PAX7: variants seen among roughly 807,000 people sequenced by gnomAD.
PAX7 encodes paired box 7, also known as paired box protein Pax-7.
A neutral mutation model predicts 50.7 loss-of-function variants in PAX7; 18 were observed. The ratio of observed to expected loss-of-function variants is 0.36; its 90% CI spans 0.25 to 0.53. The LOEUF is 0.53. Among genes scored for constraint, PAX7 ranks in the 20% least tolerant of loss-of-function variants. The pLI is 0.93. For synonymous variants in PAX7, 310 were observed against 290.4 expected, an observed-to-expected ratio of 1.07 and a Z score of -0.69; for missense variants, 644 against 702.9, an observed-to-expected ratio of 0.92 and a Z score of 0.95.
chr1:18,676,059 C>T (rs1192800264), intron 4 of PAX7, among the ~76,000 whole-genome samples: 1 of 152,210 alleles, frequency 6.6e-6, no homozygotes, highest in African/African-American at 2.4e-5. Context: ...AGCCACCTCG[C>T]CCAGCTTCAC....
intron 4 of PAX7, among the ~76,000 whole-genome samples, chr1:18,648,936 C>T (rs568020015): frequency 6.6e-6 from 1 of 152,148 alleles, no homozygotes; most frequent in East Asian, 1.9e-4. Flanking sequence ...AGAGGACTGC[C>T]CCAGCTGGAG....
intron 4 of PAX7, among the ~76,000 whole-genome samples, chr1:18,638,030 T>C (rs1178587121): frequency 6.6e-6 from 1 of 152,240 alleles, no homozygotes; most frequent in Non-Finnish European, 1.5e-5. Context: ...GATGGACTTT[T>C]TGTGGGTTGT....
At position 18,748,418 on chromosome 1, in the gene PAX7, T is replaced by A. The variant is rs1931534610; in HGVS notation, c.*3489T>A. On this transcript the variant is annotated 3_prime_UTR_variant, in exon 9 of 9. Coordinates refer to ENST00000420770, the MANE Select transcript of PAX7 (RefSeq NM_001135254.2). ...ACTTTTTGGGGGTACACAGGTCTTC[T>A]CTCCTCCCCTCCTGCAGAGGCACCA... 8.6e-6 allele frequency: 2 copies of A among 231,626 alleles called. No individual in the cohort carries two copies. Among genetic ancestry groups the A allele is most frequent in the Admixed American group, 5.6e-5 (1 of 17,740 alleles). The allele number at this position is 231,626 out of a possible 1,614,324, so 14.3% of individuals were successfully genotyped here.
At chr1:18,712,683 C>A (rs771504627) in intron 7 of PAX7, among the ~76,000 whole-genome samples, 1 of 152,168 alleles carries the variant, frequency 6.6e-6, no homozygotes, top group Non-Finnish European at 1.5e-5. Flanking sequence ...GCAACCCTGA[C>A]CTTGCCTCCT....
At chr1:18,681,870 G>A (rs571954054) in intron 4 of PAX7, among the ~76,000 whole-genome samples, 42 of 152,100 alleles carry the variant, frequency 2.8e-4, no homozygotes, top group African/African-American at 8.2e-4. Context: ...TTCTGCCTCA[G>A]CTGGGATTAC....
chr1:18,674,691 G>T (rs996765712), intron 4 of PAX7, among the ~76,000 whole-genome samples: 1 of 152,224 alleles, frequency 6.6e-6, no homozygotes, highest in African/African-American at 2.4e-5. Flanking sequence ...ACCGCTGTCT[G>T]TCCCCCTTTT....
chr1:18,656,319 C>A (rs774509734), intron 4 of PAX7, among the ~76,000 whole-genome samples: 1 of 151,990 alleles, frequency 6.6e-6, no homozygotes, highest in Non-Finnish European at 1.5e-5. Flanking sequence ...CATGGTGAAG[C>A]CCTGTCTCTA....
chr1:18,658,836 C>A (rs920995689), intron 4 of PAX7, among the ~76,000 whole-genome samples: 2 of 152,164 alleles, frequency 1.3e-5, no homozygotes, highest in Non-Finnish European at 2.9e-5. Flanking sequence ...TTGGGAGAAA[C>A]CTTTCTTCAT....
intron 7 of PAX7, among the ~76,000 whole-genome samples, chr1:18,723,507 G>A (rs760853292): frequency 1.3e-5 from 2 of 152,194 alleles, no homozygotes; most frequent in African/African-American, 2.4e-5. Context: ...GTGAGGTATC[G>A]TAGACAGAAA....
chr1:18,688,224 A>G (rs918327998), intron 4 of PAX7, among the ~76,000 whole-genome samples: 1 of 152,254 alleles, frequency 6.6e-6, no homozygotes, highest in Non-Finnish European at 1.5e-5. Context: ...TTTCCTGTAA[A>G]TAGATGGGAA....
Position 18,631,453 on chromosome 1 carries a change from T to C in PAX7, c.-151T>C. ...TTTGACTGCAGCCAGGGGTGGGGGG[T>C]GGGGGTAGGGAGTGTGTGTGGAGGG... On this transcript the variant is annotated 5_prime_UTR_variant, in exon 1 of 9. Coordinates refer to ENST00000420770, the MANE Select transcript of PAX7 (RefSeq NM_001135254.2). 5.5e-6 allele frequency: 3 copies of C among 543,414 alleles called. No homozygotes were observed. Among genetic ancestry groups the C allele is most frequent in the Non-Finnish European group, 9.7e-6 (3 of 308,956 alleles). The allele number at this position is 543,414 out of a possible 1,614,324, so 33.7% of individuals were successfully genotyped here. A position where few individuals can be genotyped will look rare whatever the true frequency, so the allele number is the denominator to read the frequency against.
chr1:18,739,549 G>A (rs1218790009), intron 8 of PAX7, among the ~76,000 whole-genome samples: 1 of 152,182 alleles, frequency 6.6e-6, no homozygotes, highest in African/African-American at 2.4e-5. Context: ...TTGGACAGAT[G>A]AGGAAATGGG....
intron 4 of PAX7, among the ~76,000 whole-genome samples, chr1:18,676,180 C>A (rs2088818943): frequency 6.6e-6 from 1 of 152,208 alleles, no homozygotes; most frequent in Non-Finnish European, 1.5e-5. Context: ...ACCAGCCTCC[C>A]CCTGCCATCT....
At chr1:18,705,285 G>A (rs1216751466) in intron 7 of PAX7, among the ~76,000 whole-genome samples, 8 of 152,208 alleles carry the variant, frequency 5.3e-5, no homozygotes, top group Admixed American at 4.6e-4. Flanking sequence ...GAGCCCTTGA[G>A]ATGAGTCACA....
At chr1:18,686,285 C>T (rs749540119) in intron 4 of PAX7, among the ~76,000 whole-genome samples, 4 of 152,214 alleles carry the variant, frequency 2.6e-5, no homozygotes, top group African/African-American at 4.8e-5. Flanking sequence ...CTCCACATCC[C>T]TGACTAGAGA....
chr1:18,635,686 T>C (rs1435839861), intron 3 of PAX7, among the ~76,000 whole-genome samples: 2 of 152,152 alleles, frequency 1.3e-5, no homozygotes, highest in African/African-American at 4.8e-5. Flanking sequence ...TGGATGCCCA[T>C]GGGCTTCCCT....
rs1466815115 is a variant in PAX7, at chr1:18,745,304, C to T, written c.*375C>T. 1.4e-5 allele frequency: 4 copies of T among 286,426 alleles called. No homozygotes were observed. Among genetic ancestry groups the T allele is most frequent in the Admixed American group, 4.7e-5 (1 of 21,472 alleles). 17.7% of individuals were successfully genotyped at this position (286,426 alleles called of 1,614,324 possible). ...AGAGGAGGTCCTACAGCCCTTTGGACCCAACTCCAGTGGGGGCCCTAGCTA... is the reference window on the plus strand; with the variant it reads ...AGAGGAGGTCCTACAGCCCTTTGGATCCAACTCCAGTGGGGGCCCTAGCTA... On this transcript the variant is annotated 3_prime_UTR_variant, in exon 9 of 9. Coordinates refer to ENST00000420770, the MANE Select transcript of PAX7 (RefSeq NM_001135254.2).
chr1:18,741,980 T>C (rs558190456), intron 8 of PAX7, among the ~76,000 whole-genome samples: 24 of 152,288 alleles, frequency 1.6e-4, no homozygotes, highest in African/African-American at 5.8e-4. Flanking sequence ...CTCAGTTCCA[T>C]CATCTGTAAG....
rs2089699195 is a variant in PAX7, at chr1:18,735,587, G to C, written c.1156-45G>C. On this transcript the variant is annotated intron_variant, in intron 7 of 8. Coordinates refer to ENST00000420770, the MANE Select transcript of PAX7 (RefSeq NM_001135254.2). This position sits in a 1 kb window ranked among gnomAD's most constrained non-coding sequence, Gnocchi z 4.0. ...TTGTGCCCAGTGTGCTCGTGTCTCT[G>C]GGGTCTGTCCGGTGAGCCTGGCACT... 6 of 1,575,356 alleles carry C rather than the reference G, an allele frequency of 3.8e-6. No individual in the cohort carries two copies. In the East Asian group the frequency reaches 1.4e-4, roughly 36 times the overall value.
Sources: allele counts gnomAD v4.1 joint callset (sites outside exome capture counted in the v4.1 genomes callset), GRCh38; gene constraint gnomAD v4.1.1; non-coding constraint Gnocchi (gnomAD v3.1); transcripts MANE v1.5; gene names NCBI Gene and HGNC (gene_info 2026-07-23, HGNC 2026-07-21).